Variants in ATRN observed in about 807,000 individuals in gnomAD.
ATRN encodes attractin, also known as attractin-2.
A neutral mutation model predicts 178.7 loss-of-function variants in ATRN; 54 were observed. The observed-to-expected ratio is 0.30, with a 90% CI of 0.24 to 0.38. The LOEUF (loss-of-function observed/expected upper bound fraction) is 0.38. Among genes scored for constraint, ATRN ranks in the 10% least tolerant of loss-of-function variants. The pLI, the probability that ATRN is intolerant of heterozygous loss-of-function variation, is 1.00. For missense variants in ATRN, 1,443 were observed against 1,815.1 expected (o/e 0.79, Z 3.73); for synonymous variants, 636 against 663.0 (o/e 0.96, Z 0.63).
chr20:3,580,924 A>G (rs2086274565), intron 15 of ATRN, among the ~76,000 whole-genome samples: 1 of 152,118 alleles, frequency 6.6e-6, no homozygotes, highest in Non-Finnish European at 1.5e-5. Context: ...GTCTTTTAGT[A>G]GGCATGTGTA....
intron 1 of ATRN, among the ~76,000 whole-genome samples, chr20:3,521,028 G>A (rs1026505184): frequency 1.3e-5 from 2 of 152,160 alleles, no homozygotes; most frequent in Admixed American, 1.3e-4. Context: ...GCATGTTCTT[G>A]TAAGTGGGAG....
At chr20:3,615,574 G>GT (rs2086834050) in intron 24 of ATRN, among the ~76,000 whole-genome samples, 1 of 117,222 alleles carries the variant, frequency 8.5e-6, no homozygotes, top group African/African-American at 3.2e-5. Context: ...TTTTTTTTTG[G>GT]AGACAGAGTC....
intron 13 of ATRN, among the ~76,000 whole-genome samples, chr20:3,576,351 A>G (rs1462417518): frequency 6.6e-6 from 1 of 152,112 alleles, no homozygotes; most frequent in Non-Finnish European, 1.5e-5. Flanking sequence ...TCCTTGTTTT[A>G]TATCTTGGTT....
intron 1 of ATRN, among the ~76,000 whole-genome samples, chr20:3,513,742 ATTTG>A (rs1456584008): frequency 1.3e-5 from 2 of 152,152 alleles, no homozygotes; most frequent in Non-Finnish European, 2.9e-5. Flanking sequence ...ATGTTCTTCC[ATTTG>A]TTTGTGCCCT....
At chr20:3,592,371 G>T in intron 19 of ATRN, 2 of 836,890 alleles carry the variant, frequency 2.4e-6, no homozygotes, top group Non-Finnish European at 2.9e-6. Context: ...CTGCACTCCA[G>T]CCTGGGCAAC....
chr20:3,520,976 C>T (rs185190191), intron 1 of ATRN, among the ~76,000 whole-genome samples: 1 of 152,176 alleles, frequency 6.6e-6, no homozygotes, highest in East Asian at 1.9e-4. Context: ...AGATCGAAGT[C>T]GACTTCATGT....
intron 1 of ATRN, among the ~76,000 whole-genome samples, chr20:3,514,365 C>T (rs2146134595): frequency 6.6e-6 from 1 of 152,282 alleles, no homozygotes; most frequent in Non-Finnish European, 1.5e-5. Flanking sequence ...TTCTTGTTTT[C>T]ATACAGCCAG....
intron 24 of ATRN, among the ~76,000 whole-genome samples, chr20:3,617,277 G>A (rs1314015714): frequency 6.6e-6 from 1 of 152,100 alleles, no homozygotes; most frequent in Non-Finnish European, 1.5e-5. Flanking sequence ...GAAAAGGGAG[G>A]GCTGAGGACA....
chr20:3,486,689 T>C (rs2084699438), intron 1 of ATRN, among the ~76,000 whole-genome samples: 1 of 152,144 alleles, frequency 6.6e-6, no homozygotes, highest in South Asian at 2.1e-4. Context: ...ACCATTCTGG[T>C]TTTTTATAAG....
chr20:3,608,967 CA>C (rs758329997), intron 24 of ATRN, among the ~76,000 whole-genome samples: 3 of 58,262 alleles, frequency 5.1e-5, no homozygotes, highest in Non-Finnish European at 6.9e-5. Flanking sequence ...GACTCTGTCT[CA>C]AAAAAAAAAA....
chr20:3,623,795 A>T (rs941933030), intron 24 of ATRN, among the ~76,000 whole-genome samples: 2 of 152,172 alleles, frequency 1.3e-5, no homozygotes, highest in African/African-American at 4.8e-5. Flanking sequence ...TTCGTGGGCT[A>T]ATATCCCTGA....
intron 1 of ATRN, among the ~76,000 whole-genome samples, chr20:3,509,497 A>AT (rs34739669): frequency 0.27 from 39,219 of 143,580 alleles, 5,757 homozygotes; most frequent in African/African-American, 0.35. Context: ...CATGTTAACA[A>AT]TTTTTTTTTT....
intron 1 of ATRN, among the ~76,000 whole-genome samples, chr20:3,496,602 TGTG>T (rs1325133551): frequency 1.3e-5 from 2 of 152,142 alleles, no homozygotes; most frequent in African/African-American, 4.8e-5. Context: ...ATAGGTGTGG[TGTG>T]GTGCTGGAAA....
At chr20:3,562,562 A>G in intron 9 of ATRN, 103 bp downstream of exon 9, 1 of 1,183,378 alleles carries the variant, frequency 8.5e-7, no homozygotes, top group South Asian at 1.5e-5. Flanking sequence ...CTGGCAGATA[A>G]TTCTGTTCGG....
At chr20:3,618,358 G>A (rs1308891187) in intron 24 of ATRN, among the ~76,000 whole-genome samples, 3 of 152,196 alleles carry the variant, frequency 2.0e-5, no homozygotes, top group Admixed American at 2.0e-4. Context: ...GCAACTGCCA[G>A]AAGAACTGAA....
At chr20:3,620,209 G>A (rs1462054292) in intron 24 of ATRN, among the ~76,000 whole-genome samples, 1 of 150,304 alleles carries the variant, frequency 6.7e-6, no homozygotes, top group Non-Finnish European at 1.5e-5. Context: ...AGGGAAAGGA[G>A]CACAGGAGGA....
At chr20:3,516,167 G>A (rs576128529) in intron 1 of ATRN, among the ~76,000 whole-genome samples, 1 of 152,296 alleles carries the variant, frequency 6.6e-6, no homozygotes, top group East Asian at 1.9e-4. Context: ...AGCAAATTGA[G>A]AGAAAATAAG....
intron 12 of ATRN, among the ~76,000 whole-genome samples, chr20:3,573,697 A>G (rs996522166): frequency 6.6e-6 from 1 of 152,198 alleles, no homozygotes; most frequent in Admixed American, 6.5e-5. Flanking sequence ...TTGCTGTGAC[A>G]TAGAGCACAA....
chr20:3,502,554 G>A (rs773653395), intron 1 of ATRN, among the ~76,000 whole-genome samples: 2 of 152,096 alleles, frequency 1.3e-5, no homozygotes, highest in African/African-American at 2.4e-5. Context: ...AAGTCCCCCC[G>A]AAAACATCTG....
Sources: gnomAD v4.1 joint callset for allele counts (sites outside exome capture counted in the v4.1 genomes callset) on GRCh38, gnomAD v4.1.1 for gene constraint, MANE v1.5 for transcripts, NCBI Gene and HGNC (gene_info 2026-07-23, HGNC 2026-07-21) for gene names.